VOPP1: variants seen among roughly 807,000 people sequenced by gnomAD.
VOPP1 encodes VOPP1 WW domain binding protein.
In VOPP1, 8 loss-of-function variants were observed where a neutral mutation model predicts 23.5. The ratio of observed to expected loss-of-function variants is 0.34; its 90% CI spans 0.20 to 0.61. The LOEUF (loss-of-function observed/expected upper bound fraction) is 0.61. Ranked by LOEUF, VOPP1 falls within the 20% of genes least tolerant of loss-of-function variation. The pLI, the probability that VOPP1 is intolerant of heterozygous loss-of-function variation, is 0.78. For synonymous variants in VOPP1, 83 were observed against 97.3 expected, an observed-to-expected ratio of 0.85 and a Z score of 0.86; for missense variants, 174 against 238.1, an observed-to-expected ratio of 0.73 and a Z score of 1.77.
intron 1 of VOPP1, chr7:55,537,639 G>A: frequency 6.6e-7 from 1 of 1,524,706 alleles, no homozygotes; most frequent in Non-Finnish European, 8.8e-7. Context: ...CATAAATAAA[G>A]CTCTGGCGCC....
In VOPP1 at chr7:55,484,486, A is replaced by G. The variant is rs1457695161; in HGVS notation, c.328+7796T>C. On this transcript the variant is annotated intron_variant, in intron 4 of 4. Transcript: ENST00000285279. ...AGTGCAGGCTGGAGCTGCTGAGGACAGCACCATGTCCTCAGTGGAGTGGTC... is the reference window on the plus strand; with the variant it reads ...AGTGCAGGCTGGAGCTGCTGAGGACGGCACCATGTCCTCAGTGGAGTGGTC... Among the ~76,000 whole-genome samples, 4 of 152,174 alleles carry G rather than the reference A, an allele frequency of 2.6e-5. 1 individual carries two copies. Among genetic ancestry groups the G allele is most frequent in the Middle Eastern group, 6.3e-3 (2 of 316 alleles).
At chr7:55,478,550 G>T (rs1202310626) in intron 4 of VOPP1, among the ~76,000 whole-genome samples, 1 of 152,172 alleles carries the variant, frequency 6.6e-6, no homozygotes, top group African/African-American at 2.4e-5. Flanking sequence ...CAAGGAGAAT[G>T]GTTTGCAAAC....
chr7:55,450,268 C>G (rs1270649403), intron 4 of VOPP1, among the ~76,000 whole-genome samples: 1 of 152,110 alleles, frequency 6.6e-6, no homozygotes, highest in Non-Finnish European at 1.5e-5. Flanking sequence ...CCCACCAGTC[C>G]TCCGCCTCTT....
chr7:55,473,800 T>A (rs761723539), intron 4 of VOPP1, among the ~76,000 whole-genome samples: 1 of 152,208 alleles, frequency 6.6e-6, no homozygotes, highest in Non-Finnish European at 1.5e-5. Flanking sequence ...GTTCCCTGGG[T>A]ATAGCTGATT....
rs1267287641 is a variant in VOPP1 at position 55,443,420 on chromosome 7, G to A, written n.418-7246C>T. Among the ~76,000 whole-genome samples, 4 of 151,864 alleles carry A rather than the reference G, an allele frequency of 2.6e-5. No homozygotes were observed. In the South Asian group the frequency reaches 8.3e-4, roughly 32 times the overall value. On this transcript the variant is annotated intron_variant and non_coding_transcript_variant, in intron 4 of 4. Coordinates refer to the VOPP1 transcript ENST00000462326. Reference sequence around the variant, plus strand: ...ATACAAAAAATAAGCCAGGCGTGGTGGCGGGCGCCTGTAGTCCTAGCTACT... The same window carrying A: ...ATACAAAAAATAAGCCAGGCGTGGTAGCGGGCGCCTGTAGTCCTAGCTACT...
chr7:55,552,603 G>C, intron 1 of VOPP1: 1 of 1,535,854 alleles, frequency 6.5e-7, no homozygotes, highest in Non-Finnish European at 8.7e-7. Context: ...TGCCTCAAAA[G>C]AAAGTGCTGG....
intron 4 of VOPP1, among the ~76,000 whole-genome samples, chr7:55,437,940 G>A (rs1374709384): frequency 1.3e-5 from 2 of 150,898 alleles, no homozygotes; most frequent in South Asian, 4.2e-4. Flanking sequence ...TGTCGCCCAG[G>A]CTGGAGTACA....
At chr7:55,565,788 T>TA (rs1798145063) in intron 1 of VOPP1, among the ~76,000 whole-genome samples, 1 of 151,106 alleles carries the variant, frequency 6.6e-6, no homozygotes, top group African/African-American at 2.4e-5. Flanking sequence ...AGTATAATTT[T>TA]ATCTGCTTAA....
At chr7:55,525,547 G>A (rs1312423873) in intron 1 of VOPP1, among the ~76,000 whole-genome samples, 1 of 151,206 alleles carries the variant, frequency 6.6e-6, no homozygotes, top group East Asian at 1.9e-4. Context: ...AAATGAGATT[G>A]CATCAAAATG....
At chr7:55,474,261 G>C (rs1236080032) in intron 4 of VOPP1, among the ~76,000 whole-genome samples, 1 of 152,194 alleles carries the variant, frequency 6.6e-6, no homozygotes, top group Non-Finnish European at 1.5e-5. Flanking sequence ...CGCTGCCTTG[G>C]GTGTGTTCTA....
intron 2 of VOPP1, among the ~76,000 whole-genome samples, chr7:55,505,652 AGG>A (rs1562936421): frequency 2.0e-3 from 1 of 500 alleles, no homozygotes. Context: ...GAAGGAAGGA[AGG>A]GAGGGAGGGA....
intron 2 of VOPP1, among the ~76,000 whole-genome samples, chr7:55,510,674 C>T (rs1415357057): frequency 6.6e-6 from 1 of 151,250 alleles, no homozygotes; most frequent in Non-Finnish European, 1.5e-5. Context: ...TGGCCTGCCA[C>T]AATGCTGCAT....
At chr7:55,475,570 C>T (rs815959) in intron 4 of VOPP1, among the ~76,000 whole-genome samples, 95,537 of 152,068 alleles carry the variant, frequency 0.63, 31,244 homozygotes, top group Admixed American at 0.71. Context: ...GTGCAGGATT[C>T]GGTGTGGTGG....
intron 1 of VOPP1, among the ~76,000 whole-genome samples, chr7:55,540,913 A>C (rs982664649): frequency 6.6e-6 from 1 of 152,224 alleles, no homozygotes; most frequent in Non-Finnish European, 1.5e-5. Context: ...GAAAAAAACA[A>C]CACCAAAAGC....
intron 4 of VOPP1, among the ~76,000 whole-genome samples, chr7:55,478,063 G>A (rs1380641069): frequency 6.6e-6 from 1 of 152,230 alleles, no homozygotes; most frequent in Non-Finnish European, 1.5e-5. Flanking sequence ...CCGAGAGAAG[G>A]TGGACCCAGT....
chr7:55,451,279 T>C (rs1791236955), intron 4 of VOPP1, among the ~76,000 whole-genome samples: 1 of 151,858 alleles, frequency 6.6e-6, no homozygotes, highest in African/African-American at 2.4e-5. Flanking sequence ...AGTTATGGGG[T>C]AGGGGGCAAA....
chr7:55,480,217 T>C (rs556087803), intron 4 of VOPP1, among the ~76,000 whole-genome samples: 37 of 152,250 alleles, frequency 2.4e-4, no homozygotes, highest in Non-Finnish European at 5.0e-4. Flanking sequence ...AAAAGCCATA[T>C]GAACTTAAAG....
intron 4 of VOPP1, among the ~76,000 whole-genome samples, chr7:55,488,698 T>C (rs1319178638): frequency 6.6e-6 from 1 of 151,400 alleles, no homozygotes; most frequent in East Asian, 1.9e-4. Context: ...CCCCAGTGGG[T>C]GAGTCTGGGT....
chr7:55,572,126 G>A (rs1047905596), intron 1 of VOPP1, 145 bp downstream of exon 1: 3 of 537,982 alleles, frequency 5.6e-6, no homozygotes, highest in South Asian at 5.7e-5. Flanking sequence ...CCCAGCTCCG[G>A]GAGGCGCGCA....
Sources: gnomAD v4.1 joint callset for allele counts (sites outside exome capture counted in the v4.1 genomes callset) on GRCh38, gnomAD v4.1.1 for gene constraint, MANE v1.5 for transcripts, NCBI Gene and HGNC (gene_info 2026-07-23, HGNC 2026-07-21) for gene names.